Variants in TMEM71 observed in about 807,000 individuals in gnomAD.
TMEM71 encodes the protein transmembrane protein 71.
TMEM71 carries 44 observed loss-of-function variants against 38.0 expected under a neutral mutation model. The observed-to-expected ratio is 1.16, with a 90% CI of 0.91 to 1.49. TMEM71 has a LOEUF of 1.49. TMEM71 is among the 40% of genes most tolerant of loss of function. TMEM71 has a pLI of 0.00. For synonymous variants in TMEM71, 133 were observed against 122.5 expected, an observed-to-expected ratio of 1.09 and a Z score of -0.56; for missense variants, 367 against 348.6, an observed-to-expected ratio of 1.05 and a Z score of -0.42.
rs73345620 is a variant in TMEM71, at chr8:132,755,110, C to T, written c.101+2124G>A. Reference sequence around the variant, plus strand: ...GCAACTATATGGTGCTGGACGCTTACGAGGTTTCAGAGTTCTGGACCTGTA... The same window carrying T: ...GCAACTATATGGTGCTGGACGCTTATGAGGTTTCAGAGTTCTGGACCTGTA... On this transcript the variant is annotated intron_variant, in intron 3 of 9. Coordinates refer to ENST00000677595, the MANE Select transcript of TMEM71 (RefSeq NM_001382403.1). Among the ~76,000 whole-genome samples, 1,095 of 152,278 alleles carry T rather than the reference C, an allele frequency of 7.2e-3. 9 individuals carry two copies. Among genetic ancestry groups the T allele is most frequent in the African/African-American group, 0.023 (970 of 41,532 alleles).
At chr8:132,765,813 G>A in the TMEM71 span, among the ~76,000 whole-genome samples, 1 of 151,670 alleles carries the variant, frequency 6.6e-6, no homozygotes, top group Admixed American at 6.6e-5. Flanking sequence ...TTTTGAGACA[G>A]AGTCTCACTC....
rs180793980 is a variant in TMEM71, at chr8:132,754,984, G to A, written c.101+2250C>T. Among the ~76,000 whole-genome samples the A allele has an allele frequency of 7.9e-5, 12 of 152,190 alleles. No homozygotes were observed. The East Asian group carries it at 1.4e-3, about 17-fold the overall frequency. On this transcript the variant is annotated intron_variant, in intron 3 of 9. Transcript: ENST00000677595. Reference sequence around the variant, plus strand: ...TTAAATTCATTGTTCAATAACTGACGGCTTACAAGTGGGAGAGGCAAGGTA... The same window carrying A: ...TTAAATTCATTGTTCAATAACTGACAGCTTACAAGTGGGAGAGGCAAGGTA...
At chr8:132,723,788 G>A (rs914338429) in intron 6 of TMEM71, among the ~76,000 whole-genome samples, 1 of 152,068 alleles carries the variant, frequency 6.6e-6, no homozygotes, top group Non-Finnish European at 1.5e-5. Flanking sequence ...TTTCCTCCTA[G>A]CATTTGATTC....
At chr8:132,757,120 T>C in intron 3 of TMEM71, 114 bp downstream of exon 3, 1 of 550,386 alleles carries the variant, frequency 1.8e-6, no homozygotes, top group Non-Finnish European at 3.4e-6. Context: ...ATGGTCTCCA[T>C]CTCCTGACCT....
intron 5 of TMEM71, among the ~76,000 whole-genome samples, chr8:132,731,595 T>A (rs1262638495): frequency 6.6e-6 from 1 of 152,104 alleles, no homozygotes; most frequent in Non-Finnish European, 1.5e-5. Flanking sequence ...AAGACTGTAA[T>A]CTCTGCCCCC....
chr8:132,757,234 C>G lies in TMEM71; in HGVS notation c.101G>C (p.Ser34Thr), dbSNP rs144334294. 1.2e-6 allele frequency: 2 copies of G among 1,607,460 alleles called. No homozygotes were observed. The highest frequency in any genetic ancestry group is 8.5e-7 in the Non-Finnish European group (1 of 1,175,048). The change falls in exon 3 of 10, where the codon AGT (serine) becomes ACT (threonine). Residue 34 changes from serine (S) to threonine (T), a missense_variant and splice_region_variant. By Grantham distance (58) the Ser-to-Thr change is moderately conservative. Coordinates refer to ENST00000677595, the MANE Select transcript of TMEM71 (RefSeq NM_001382403.1). ...GELSPTCIFP[S>T]FTCDSLDGYH... ...TTTTAAAAGAAGCCCCATAGTATAC[C>G]TTGGGAAAATGCACGTGGGAGACAG...
intron 6 of TMEM71, among the ~76,000 whole-genome samples, chr8:132,726,792 T>C (rs975070416): frequency 6.6e-6 from 1 of 152,210 alleles, no homozygotes; most frequent in African/African-American, 2.4e-5. Flanking sequence ...TCTTTTGACT[T>C]TTCCTTGTCA....
chr8:132,742,192 T>G (rs143793506), intron 5 of TMEM71, among the ~76,000 whole-genome samples: 1,959 of 152,364 alleles, frequency 0.013, 49 homozygotes, highest in African/African-American at 0.045. Flanking sequence ...TTAATGATAT[T>G]CATATATAAT....
chr8:132,775,365 T>C, the TMEM71 span: 1 of 360,866 alleles, frequency 2.8e-6, no homozygotes. Flanking sequence ...GCGGCTGACG[T>C]CGCCGGGGCC....
chr8:132,734,361 A>T (rs1171541375), intron 5 of TMEM71, among the ~76,000 whole-genome samples: 2 of 152,162 alleles, frequency 1.3e-5, no homozygotes, highest in African/African-American at 2.4e-5. Context: ...GTTAAAAAAA[A>T]GAGGAGGCTA....
intron 5 of TMEM71, among the ~76,000 whole-genome samples, chr8:132,746,430 T>TATATACACACAC (rs1563753743): frequency 2.1e-5 from 3 of 141,538 alleles, no homozygotes; most frequent in East Asian, 4.3e-4. Context: ...TATATATACA[T>TATATACACACAC]ATATATATAC....
At chr8:132,737,189 C>T (rs1328125282) in intron 5 of TMEM71, among the ~76,000 whole-genome samples, 5 of 152,122 alleles carry the variant, frequency 3.3e-5, no homozygotes, top group African/African-American at 9.7e-5. Flanking sequence ...GATTGCATGG[C>T]CTCCCTGTGA....
upstream of TMEM71, among the ~76,000 whole-genome samples, chr8:132,761,110 T>G (rs1829285815): frequency 1.3e-5 from 2 of 152,218 alleles, no homozygotes; most frequent in Non-Finnish European, 2.9e-5. Flanking sequence ...TACATTATAG[T>G]AGAGCTCAAA....
At chr8:132,761,047 T>C (rs1829283793), upstream of TMEM71, among the ~76,000 whole-genome samples, 1 of 152,222 alleles carries the variant, frequency 6.6e-6, no homozygotes, top group African/African-American at 2.4e-5. Flanking sequence ...GCAATAGGTT[T>C]ATCTAATGAA....
chr8:132,729,519 G>A (rs962522599), intron 5 of TMEM71, among the ~76,000 whole-genome samples: 3 of 152,198 alleles, frequency 2.0e-5, no homozygotes, highest in Non-Finnish European at 4.4e-5. Flanking sequence ...CCTGCTTTGG[G>A]ATGTAGGTGT....
In TMEM71 at chr8:132,725,652, C is replaced by T. The variant is rs565894054; in HGVS notation, c.676+2146G>A. On this transcript the variant is annotated intron_variant, in intron 6 of 9. Coordinates refer to ENST00000677595, the MANE Select transcript of TMEM71 (RefSeq NM_001382403.1). Reference sequence around the variant, plus strand: ...TGAAGGGCTTAATGGAAGATGGAGACCTTGTCCACCCAGGACTTCATAGCT... The same window carrying T: ...TGAAGGGCTTAATGGAAGATGGAGATCTTGTCCACCCAGGACTTCATAGCT... Among the ~76,000 whole-genome samples the T allele has an allele frequency of 3.9e-5, 6 of 152,240 alleles. No homozygotes were observed. The South Asian group carries it at 1.2e-3, about 32-fold the overall frequency.
At chr8:132,767,753 G>A in the TMEM71 span, among the ~76,000 whole-genome samples, 3 of 152,178 alleles carry the variant, frequency 2.0e-5, no homozygotes. Flanking sequence ...GGGATTACAG[G>A]TGTGAGCCAC....
intron 5 of TMEM71, among the ~76,000 whole-genome samples, chr8:132,740,060 C>T (rs948847250): frequency 1.3e-5 from 2 of 152,184 alleles, no homozygotes; most frequent in African/African-American, 4.8e-5. Flanking sequence ...ACAAGTTATT[C>T]CTCAGCTCAG....
At position 132,737,785 on chromosome 8, in the gene TMEM71, C is replaced by T. The variant is rs114373867; in HGVS notation, c.487+9157G>A. Among the ~76,000 whole-genome samples the T allele has an allele frequency of 4.5e-3, 691 of 152,236 alleles. 4 individuals carry two copies. The highest frequency in any genetic ancestry group is 0.016 in the East Asian group (81 of 5,182). On this transcript the variant is annotated intron_variant, in intron 5 of 9. Coordinates refer to ENST00000677595, the MANE Select transcript of TMEM71 (RefSeq NM_001382403.1). ...TCAACCTCCTGAATTCCTTTCTTAC[C>T]GCTCCTTTCTTCTCATTCACTTGTT...
Sources: gnomAD v4.1 joint callset for allele counts (sites outside exome capture counted in the v4.1 genomes callset) on GRCh38, gnomAD v4.1.1 for gene constraint, MANE v1.5 for transcripts, NCBI Gene and HGNC (gene_info 2026-07-23, HGNC 2026-07-21) for gene names.